The following SH3BP5 variants were observed in gnomAD, a reference collection of about 807,000 sequenced individuals.
The protein encoded by SH3BP5 is SH3 domain binding protein 5, also known as SH3 domain-binding protein 5.
SH3BP5 carries 22 observed loss-of-function variants against 43.3 expected under a neutral mutation model. The observed-to-expected ratio is 0.51, with a 90% CI of 0.36 to 0.73. The LOEUF (loss-of-function observed/expected upper bound fraction) is 0.73, where lower values mean the gene tolerates loss of function less well. SH3BP5 is among the 30% of genes least tolerant of loss of function. SH3BP5 has a pLI of 0.00. For synonymous variants in SH3BP5, 255 were observed against 225.8 expected (o/e 1.13, Z -1.16); for missense variants, 529 against 586.9 (o/e 0.90, Z 1.02).
chr3:15,261,943 A>C (rs1057441330), intron 5 of SH3BP5, among the ~76,000 whole-genome samples: 1 of 152,136 alleles, frequency 6.6e-6, no homozygotes, highest in African/African-American at 2.4e-5. Context: ...TAACTTAGTC[A>C]TATCTAGAGC....
intron 3 of SH3BP5, among the ~76,000 whole-genome samples, chr3:15,286,890 T>C (rs1697279257): frequency 6.6e-6 from 1 of 152,194 alleles, no homozygotes; most frequent in African/African-American, 2.4e-5. Context: ...TCATCTTTAC[T>C]TTGCACCACG....
chr3:15,340,158 A>G (rs1698749066), intron 1 of SH3BP5, among the ~76,000 whole-genome samples: 2 of 152,220 alleles, frequency 1.3e-5, no homozygotes, highest in Admixed American at 6.5e-5. Flanking sequence ...CAAGATAGAC[A>G]AAGATAAATG....
intron 8 of SH3BP5, 124 bp from the exon 9 acceptor site, chr3:15,256,427 G>GCTAA: frequency 9.8e-7 from 1 of 1,023,784 alleles, no homozygotes; most frequent in South Asian, 1.5e-5. Flanking sequence ...AAACCAGTCA[G>GCTAA]CTAACTCAGC....
intron 3 of SH3BP5, among the ~76,000 whole-genome samples, chr3:15,282,554 G>A (rs1363144800): frequency 6.6e-6 from 1 of 151,806 alleles, no homozygotes; most frequent in Non-Finnish European, 1.5e-5. Flanking sequence ...AGGGGAAAAG[G>A]GAGATCCATA....
At chr3:15,274,552 G>A (rs1013640375) in intron 3 of SH3BP5, among the ~76,000 whole-genome samples, 30 of 152,056 alleles carry the variant, frequency 2.0e-4, no homozygotes, top group African/African-American at 7.2e-4. Context: ...GGAGTATAGT[G>A]GTGCGATCTT....
intron 3 of SH3BP5, among the ~76,000 whole-genome samples, chr3:15,296,854 T>C (rs1037913702): frequency 6.8e-6 from 1 of 146,434 alleles, no homozygotes; most frequent in East Asian, 2.0e-4. Context: ...CCACCATGTC[T>C]GGCTTCTTAA....
chr3:15,285,426 T>C (rs965993282), intron 3 of SH3BP5, among the ~76,000 whole-genome samples: 1 of 152,198 alleles, frequency 6.6e-6, no homozygotes, highest in Non-Finnish European at 1.5e-5. Flanking sequence ...AGCTGGGCGA[T>C]ACATAACCCA....
intron 3 of SH3BP5, among the ~76,000 whole-genome samples, chr3:15,278,447 T>C (rs895664213): frequency 6.6e-6 from 1 of 152,218 alleles, no homozygotes; most frequent in South Asian, 2.1e-4. Flanking sequence ...CGGCAGTTCA[T>C]GGACTGCCTG....
chr3:15,326,461 G>A (rs1282281099), intron 2 of SH3BP5, among the ~76,000 whole-genome samples: 3 of 152,270 alleles, frequency 2.0e-5, no homozygotes, highest in South Asian at 2.1e-4. Flanking sequence ...GAGAGGTGCC[G>A]AACGCCCCAG....
chr3:15,332,086 G>A, intron 1 of SH3BP5, 185 bp downstream of exon 1: 6 of 936,326 alleles, frequency 6.4e-6, no homozygotes, highest in South Asian at 1.7e-5. Context: ...ATCCACGCGG[G>A]CACTGTAGCC....
At chr3:15,270,114 T>C (rs1334376718) in intron 3 of SH3BP5, among the ~76,000 whole-genome samples, 3 of 152,124 alleles carry the variant, frequency 2.0e-5, no homozygotes, top group Non-Finnish European at 4.4e-5. Context: ...ATGGATGAGA[T>C]AAACACATCA....
chr3:15,256,609 A>G (rs1696210418), intron 8 of SH3BP5: 1 of 597,234 alleles, frequency 1.7e-6, no homozygotes, highest in Non-Finnish European at 2.9e-6. Flanking sequence ...GTGCTTGCCA[A>G]GGAGACTGTT....
chr3:15,293,256 C>T (rs1575318249), intron 3 of SH3BP5, among the ~76,000 whole-genome samples: 1 of 152,368 alleles, frequency 6.6e-6, no homozygotes, highest in East Asian at 1.9e-4. Flanking sequence ...TTCCCAGGAA[C>T]TGGCCTGTGG....
intron 4 of SH3BP5, among the ~76,000 whole-genome samples, chr3:15,269,146 A>G (rs1212595674): frequency 6.6e-6 from 1 of 152,144 alleles, no homozygotes; most frequent in Non-Finnish European, 1.5e-5. Context: ...CAATATAATG[A>G]CATAAAACCC....
At chr3:15,315,005 T>A in intron 2 of SH3BP5, among the ~76,000 whole-genome samples, 1 of 150,726 alleles carries the variant, frequency 6.6e-6, no homozygotes, top group Admixed American at 6.6e-5. Context: ...AAAACAGAGG[T>A]GAGAGACAGA....
rs150785648 is a variant in SH3BP5 at position 15,290,267 on chromosome 3, G to A, written c.330+13836C>T. 1.4e-3 allele frequency among the ~76,000 whole-genome samples: 215 copies of A among 151,916 alleles called. 1 individual carries two copies. The highest frequency in any genetic ancestry group is 4.3e-3 in the African/African-American group (177 of 41,430). On this transcript the variant is annotated intron_variant, in intron 3 of 8. Transcript: ENST00000383791. The stretch of plus-strand genomic sequence containing the variant: ...AATTAGGCTGGGCGCGGTGGCTCAC[G>A]TCTGTAATCCCAGCACTTTGAGAGG...
chr3:15,262,263 G>A lies in SH3BP5; in HGVS notation c.522C>T (p.Thr174=). The part of the protein sequence containing the change: ...QRVMEAEQTK[T]RSELVHKETA... ...TCTCCTTATGCACCAGCTCGCTCCTGGTCTTGGTCTGCTCCGCCTCCATGA... is the reference window on the plus strand; with the variant it reads ...TCTCCTTATGCACCAGCTCGCTCCTAGTCTTGGTCTGCTCCGCCTCCATGA... Residue 174 remains threonine, a synonymous_variant, in exon 5 of 9, where the codon ACC becomes ACT. Coordinates refer to ENST00000383791, the MANE Select transcript of SH3BP5 (RefSeq NM_004844.5). 1 of 1,614,126 alleles carries A rather than the reference G, an allele frequency of 6.2e-7. No individual in the cohort carries two copies. Among genetic ancestry groups the A allele is most frequent in the Non-Finnish European group, 8.5e-7 (1 of 1,180,018 alleles).
intron 2 of SH3BP5, among the ~76,000 whole-genome samples, chr3:15,316,829 G>A (rs1386271245): frequency 2.0e-5 from 3 of 152,010 alleles, no homozygotes; most frequent in Non-Finnish European, 2.9e-5. Flanking sequence ...GTCCTACAAG[G>A]CCCGAGAGGA....
At chr3:15,282,599 A>G (rs1449810684) in intron 3 of SH3BP5, among the ~76,000 whole-genome samples, 3 of 151,690 alleles carry the variant, frequency 2.0e-5, no homozygotes, top group Non-Finnish European at 2.9e-5. Flanking sequence ...CACGGTTTCT[A>G]GTCAAATGTT....
Sources: allele counts gnomAD v4.1 joint callset (sites outside exome capture counted in the v4.1 genomes callset), GRCh38; gene constraint gnomAD v4.1.1; transcripts MANE v1.5; gene names NCBI Gene and HGNC (gene_info 2026-07-23, HGNC 2026-07-21).